PRKCZ: variants seen among roughly 807,000 people sequenced by gnomAD.
PRKCZ encodes protein kinase C zeta type.
PRKCZ carries 33 observed loss-of-function variants against 79.5 expected under a neutral mutation model. The observed-to-expected ratio is 0.41, with a 90% CI of 0.31 to 0.55. The LOEUF is 0.55. Among genes scored for constraint, PRKCZ ranks in the 20% least tolerant of loss-of-function variants. The pLI is 0.19. For synonymous variants in PRKCZ, 342 were observed against 320.9 expected, an observed-to-expected ratio of 1.07 and a Z score of -0.70; for missense variants, 578 against 813.5, an observed-to-expected ratio of 0.71 and a Z score of 3.52.
At chr1:2,179,349 C>A (rs1021001231) in intron 16 of PRKCZ, among the ~76,000 whole-genome samples, 1 of 152,228 alleles carries the variant, frequency 6.6e-6, no homozygotes, top group Admixed American at 6.5e-5. Context: ...GACAGCACGT[C>A]CTGGCCTGGT....
At chr1:2,096,605 C>T (rs1054596907) in intron 4 of PRKCZ, among the ~76,000 whole-genome samples, 5 of 152,150 alleles carry the variant, frequency 3.3e-5, no homozygotes, top group East Asian at 1.9e-4. Context: ...GGGGTCTCCC[C>T]GTGGCGTGGC....
rs1178277801 is a variant in PRKCZ at position 2,173,039 on chromosome 1, C to T, written c.1285+651C>T. Among the ~76,000 whole-genome samples the T allele has an allele frequency of 1.3e-5, 2 of 152,156 alleles. No homozygotes were observed. Among genetic ancestry groups the T allele is most frequent in the African/African-American group, 2.4e-5 (1 of 41,434 alleles). On this transcript the variant is annotated intron_variant, in intron 13 of 17. Coordinates refer to ENST00000378567, the MANE Select transcript of PRKCZ (RefSeq NM_002744.6). The surrounding 1 kb of genome is among the most constrained non-coding windows in gnomAD (Gnocchi z 5.7). ...CGTGTGTGCCGTTGGGCTGAGTGTT[C>T]GTGTGTCGGGCATCCATGTGTGTTG...
chr1:2,105,823 C>G lies in PRKCZ; in HGVS notation c.335-29439C>G, dbSNP rs565506220. On this transcript the variant is annotated intron_variant, in intron 4 of 17. Transcript: ENST00000378567. ...TGCTGTGGGTGATGACCAGGTGATG[C>G]CGGGAAGGTCACTTTCAGACACATA... Among the ~76,000 whole-genome samples, 7 of 152,286 alleles carry G rather than the reference C, an allele frequency of 4.6e-5. No individual in the cohort carries two copies. In the South Asian group the frequency reaches 1.5e-3, roughly 32 times the overall value.
intron 5 of PRKCZ, among the ~76,000 whole-genome samples, chr1:2,138,114 C>G (rs944946032): frequency 2.0e-5 from 3 of 152,226 alleles, no homozygotes; most frequent in Admixed American, 1.3e-4. Flanking sequence ...CCACTCAGAT[C>G]ACCTCTGCTG....
chr1:2,123,394 G>A (rs1325122775), intron 4 of PRKCZ, among the ~76,000 whole-genome samples: 1 of 10,590 alleles, frequency 9.4e-5, no homozygotes, highest in Non-Finnish European at 1.5e-4. Flanking sequence ...GGGTCGTGGC[G>A]GTGGTTAGGG....
rs375311783 is a variant in PRKCZ, at chr1:2,149,414, G to A, written c.687+490G>A. On this transcript the variant is annotated intron_variant, in intron 8 of 17. Transcript: ENST00000378567. This position sits in a 1 kb window ranked among gnomAD's most constrained non-coding sequence, Gnocchi z 4.1. ...TAAACCCTGAGAAGGGAACAGAAGA[G>A]CTTGCTGCGTTCTCAGCCTCTGCTC... 5.3e-5 allele frequency among the ~76,000 whole-genome samples: 8 copies of A among 152,212 alleles called. No individual in the cohort carries two copies. The highest frequency in any genetic ancestry group is 3.9e-4 in the East Asian group (2 of 5,194).
intron 9 of PRKCZ, 141 bp from the exon 10 acceptor site, chr1:2,155,854 C>T: frequency 1.4e-6 from 1 of 694,608 alleles, no homozygotes; most frequent in South Asian, 1.6e-5. Context: ...TAATGCAGTT[C>T]CTAATGGGTG....
rs1317135009 is a variant in PRKCZ at position 2,178,161 on chromosome 1, C to T, written c.1575+2848C>T. On this transcript the variant is annotated intron_variant, in intron 16 of 17. Coordinates refer to ENST00000378567, the MANE Select transcript of PRKCZ (RefSeq NM_002744.6). The surrounding 1 kb of genome is among the most constrained non-coding windows in gnomAD (Gnocchi z 4.3). The stretch of plus-strand genomic sequence containing the variant: ...GAGTTACATGACGTCATCGCGATCA[C>T]TTTCATCACCCTGTACCCAGAGAAG... Among the ~76,000 whole-genome samples, 2 of 152,230 alleles carry T rather than the reference C, an allele frequency of 1.3e-5. No homozygotes were observed. Among genetic ancestry groups the T allele is most frequent in the South Asian group, 2.1e-4 (1 of 4,832 alleles).
In PRKCZ at chr1:2,173,438, C is replaced by T. The variant is rs1684857891; in HGVS notation, c.1286-459C>T. Reference sequence around the variant, plus strand: ...GGGCAAAACGGGTCAGGGTCTCCCACCCCTCATTCGCTGGAACACATTCCC... The same window carrying T: ...GGGCAAAACGGGTCAGGGTCTCCCATCCCTCATTCGCTGGAACACATTCCC... On this transcript the variant is annotated intron_variant, in intron 13 of 17. Transcript: ENST00000378567. The surrounding 1 kb of genome is among the most constrained non-coding windows in gnomAD (Gnocchi z 5.7). Among the ~76,000 whole-genome samples, 1 of 152,188 alleles carries T rather than the reference C, an allele frequency of 6.6e-6. No homozygotes were observed. Among genetic ancestry groups the T allele is most frequent in the African/African-American group, 2.4e-5 (1 of 41,420 alleles).
At chr1:2,088,081 C>T (rs572509338) in intron 4 of PRKCZ, among the ~76,000 whole-genome samples, 72 of 152,342 alleles carry the variant, frequency 4.7e-4, no homozygotes, top group African/African-American at 1.6e-3. Context: ...GTGGGGGCCT[C>T]GGGCTCGGAT....
intron 5 of PRKCZ, among the ~76,000 whole-genome samples, chr1:2,138,732 C>G (rs774564673): frequency 9.9e-5 from 15 of 152,052 alleles, no homozygotes; most frequent in Non-Finnish European, 1.9e-4. Flanking sequence ...GCCAGGAGTT[C>G]AAGATCCATC....
At position 2,118,082 on chromosome 1, in the gene PRKCZ, C is replaced by T. The variant is rs151180314; in HGVS notation, c.335-17180C>T. Among the ~76,000 whole-genome samples, 446 of 138,854 alleles carry T rather than the reference C, an allele frequency of 3.2e-3. 11 individuals are homozygous for T. In the East Asian group the frequency reaches 0.069, roughly 22 times the overall value. 91.1% of individuals were successfully genotyped at this position (138,854 alleles called of 152,430 possible). ...CCCGATCTGGGCGCACTGCAACCTC[C>T]GCCTCCCTGGTTCAAGCGATTCTCC... is the stretch of plus-strand genomic sequence containing the variant. On this transcript the variant is annotated intron_variant, in intron 4 of 17. Transcript: ENST00000378567.
rs1020014908 is a variant in PRKCZ, at chr1:2,174,677, T to G, written c.1406-77T>G. ...AAGGCTGAGCTCCCAAAGCTCTTGCTCAGAGTCAGAGTCTGGGCGGCACTG... is the reference window on the plus strand; with the variant it reads ...AAGGCTGAGCTCCCAAAGCTCTTGCGCAGAGTCAGAGTCTGGGCGGCACTG... On this transcript the variant is annotated intron_variant, in intron 14 of 17. Transcript: ENST00000378567. The surrounding 1 kb of genome is among the most constrained non-coding windows in gnomAD (Gnocchi z 6.2). 5 of 1,457,922 alleles carry G rather than the reference T, an allele frequency of 3.4e-6. No individual in the cohort carries two copies. In the African/African-American group the frequency reaches 7.1e-5, roughly 21 times the overall value. The allele number at this position is 1,457,922 out of a possible 1,614,324, so 90.3% of individuals were successfully genotyped here.
Position 2,172,427 on chromosome 1 carries a change from G to A in PRKCZ, c.1285+39G>A. ...CCCTGGCCCCTCTCGGAGCACACAG[G>A]GCCAGAGATGGCTTCGGGCCTGGCC... On this transcript the variant is annotated intron_variant, in intron 13 of 17. Transcript: ENST00000378567. The surrounding 1 kb of genome is among the most constrained non-coding windows in gnomAD (Gnocchi z 7.8). 1 of 1,582,774 alleles carries A rather than the reference G, an allele frequency of 6.3e-7. No homozygotes were observed. The highest frequency in any genetic ancestry group is 8.6e-7 in the Non-Finnish European group (1 of 1,162,566).
rs61129873 is a variant in PRKCZ at position 2,119,789 on chromosome 1, C to CTTT, written c.335-15461_335-15459dup. 2.1e-3 allele frequency among the ~76,000 whole-genome samples: 292 copies of CTTT among 136,416 alleles called. 3 individuals are homozygous for CTTT. The highest frequency in any genetic ancestry group is 7.6e-3 in the African/African-American group (275 of 36,132). The allele number at this position is 136,416 out of a possible 152,430, so 89.5% of individuals were successfully genotyped here. Reference sequence around the variant, plus strand: ...TAATTCTTTTTATTTCTTTTCTTTTCTTTTTTTTTTTTTTGAGATGGATTT... The same window carrying CTTT: ...TAATTCTTTTTATTTCTTTTCTTTTCTTTTTTTTTTTTTTTTTGAGATGGATTT... On this transcript the variant is annotated intron_variant, in intron 4 of 17. Coordinates refer to ENST00000378567, the MANE Select transcript of PRKCZ (RefSeq NM_002744.6).
intron 5 of PRKCZ, chr1:2,142,334 C>T (rs548744088): frequency 5.2e-5 from 7 of 135,314 alleles, no homozygotes; most frequent in African/African-American, 1.8e-4. Context: ...GCAGCCGAAG[C>T]GCCTCCTTTC....
In PRKCZ at chr1:2,150,983, G is replaced by A. The variant is rs1310671396; in HGVS notation, c.876+5G>A. 3.1e-6 allele frequency: 5 copies of A among 1,613,048 alleles called. No homozygotes were observed. In the South Asian group the frequency reaches 5.5e-5, roughly 18 times the overall value. ...GAGCTGGTGCATGATGACGAGGTAG[G>A]TGCCGCTTCTCATGGGGCCCGGGGG... On this transcript the variant is annotated splice_donor_5th_base_variant and intron_variant, in intron 9 of 17. Transcript: ENST00000378567.
rs1020133833 is a variant in PRKCZ at position 2,104,939 on chromosome 1, G to A, written c.335-30323G>A. On this transcript the variant is annotated intron_variant, in intron 4 of 17. Transcript: ENST00000378567. Reference sequence around the variant, plus strand: ...TCACACCTCATTACACAGCACCCAGGCCTTTTATTCAGGAGGGCGCGGCCG... The same window carrying A: ...TCACACCTCATTACACAGCACCCAGACCTTTTATTCAGGAGGGCGCGGCCG... The A allele has an allele frequency of 2.2e-5, 22 of 985,160 alleles. No homozygotes were observed. The Admixed American group carries it at 5.5e-4, about 25-fold the overall frequency. The allele number at this position is 985,160 out of a possible 1,614,324, so 61.0% of individuals were successfully genotyped here.
In PRKCZ at chr1:2,055,044, G is replaced by A. The variant is rs557565723; in HGVS notation, c.72-397G>A. ...TGCAAGCTCCGCCTCCCGGGTTCAC[G>A]CCATTCTCTTGCCTCAGCCTCCCGA... On this transcript the variant is annotated intron_variant, in intron 1 of 17. Transcript: ENST00000378567. 5.9e-5 allele frequency among the ~76,000 whole-genome samples: 9 copies of A among 151,396 alleles called. No homozygotes were observed. In the East Asian group the frequency reaches 1.4e-3, roughly 23 times the overall value.
Sources: allele counts gnomAD v4.1 joint callset (sites outside exome capture counted in the v4.1 genomes callset), GRCh38; gene constraint gnomAD v4.1.1; non-coding constraint Gnocchi (gnomAD v3.1); transcripts MANE v1.5; gene names NCBI Gene and HGNC (gene_info 2026-07-23, HGNC 2026-07-21).